The following CCDC126 variants were observed in gnomAD, a reference collection of about 807,000 sequenced individuals.
CCDC126 encodes coiled-coil domain-containing protein 126.
CCDC126 carries 5 observed loss-of-function variants against 11.7 expected under a neutral mutation model. That is an observed-to-expected ratio of 0.43 (90% CI 0.22 to 0.90). CCDC126 has a LOEUF of 0.90. Ranked by LOEUF, CCDC126 falls within the 40% of genes least tolerant of loss-of-function variation. CCDC126 has a pLI of 0.27. For missense variants in CCDC126, 150 were observed against 163.1 expected, an observed-to-expected ratio of 0.92 and a Z score of 0.44; for synonymous variants, 60 against 61.9, an observed-to-expected ratio of 0.97 and a Z score of 0.14.
At chr7:23,612,216 G>T (rs1477327716) in intron 3 of CCDC126, among the ~76,000 whole-genome samples, 2 of 151,736 alleles carry the variant, frequency 1.3e-5, no homozygotes, top group Admixed American at 1.3e-4. Context: ...TAGTACTTTG[G>T]GGGGCCAAGG....
At chr7:23,606,262 G>A (rs994037291) in intron 2 of CCDC126, among the ~76,000 whole-genome samples, 2 of 152,052 alleles carry the variant, frequency 1.3e-5, no homozygotes, top group African/African-American at 2.4e-5. Context: ...GTTTCATCAT[G>A]TTAGCCAGGA....
At chr7:23,627,331 A>G (rs1231462769) in intron 3 of CCDC126, among the ~76,000 whole-genome samples, 2 of 151,896 alleles carry the variant, frequency 1.3e-5, no homozygotes, top group African/African-American at 2.4e-5. Flanking sequence ...CTTGGGCAAC[A>G]TAGTGAGACC....
intron 3 of CCDC126, among the ~76,000 whole-genome samples, chr7:23,613,368 C>T (rs1438270259): frequency 6.6e-6 from 1 of 151,962 alleles, no homozygotes; most frequent in African/African-American, 2.4e-5. Context: ...GTTATGATTC[C>T]TGTAATGAAA....
chr7:23,622,064 A>G (rs181243729), intron 3 of CCDC126, among the ~76,000 whole-genome samples: 4 of 152,240 alleles, frequency 2.6e-5, no homozygotes, highest in African/African-American at 4.8e-5. Context: ...TGTCTCTGCC[A>G]GGCTTTGGTA....
intron 3 of CCDC126, among the ~76,000 whole-genome samples, chr7:23,628,371 A>G (rs953131301): frequency 1.3e-5 from 2 of 152,214 alleles, no homozygotes; most frequent in Non-Finnish European, 2.9e-5. Context: ...CAACCTAGAT[A>G]CTGCCAACAG....
At chr7:23,602,350 G>A (rs936892672) in intron 2 of CCDC126, 1 of 152,088 alleles carries the variant, frequency 6.6e-6, no homozygotes, top group Non-Finnish European at 1.5e-5. Context: ...ACCTTATTTC[G>A]TATCTGATCT....
intron 3 of CCDC126, among the ~76,000 whole-genome samples, chr7:23,640,463 C>T (rs1184500580): frequency 6.6e-6 from 1 of 152,014 alleles, no homozygotes; most frequent in Non-Finnish European, 1.5e-5. Context: ...CGCCATTGCA[C>T]TCCAGCCTGG....
rs530565344 is a variant in CCDC126, at chr7:23,601,860, T to A, written c.-146+3809T>A. ...CACCATGCCCGGCTAATTTTTATTT[T>A]TTTTTTGTAGTGACTGCGTCTTGCA... On this transcript the variant is annotated intron_variant, in intron 2 of 3. Transcript: ENST00000307471. 2.6e-5 allele frequency: 4 copies of A among 152,380 alleles called. No individual in the cohort carries two copies. The East Asian group carries it at 5.8e-4, about 22-fold the overall frequency. The allele number at this position is 152,380 out of a possible 1,614,324, so 9.4% of individuals were successfully genotyped here. A position where few individuals can be genotyped will look rare whatever the true frequency, so the allele number is the denominator to read the frequency against.
At chr7:23,620,465 A>C (rs943455617) in intron 3 of CCDC126, among the ~76,000 whole-genome samples, 6 of 152,072 alleles carry the variant, frequency 3.9e-5, no homozygotes, top group African/African-American at 1.4e-4. Context: ...TTCTTTGTGG[A>C]TTCTGGATAT....
intron 2 of CCDC126, among the ~76,000 whole-genome samples, chr7:23,608,088 C>G (rs1782650855): frequency 6.6e-6 from 1 of 152,220 alleles, no homozygotes; most frequent in Non-Finnish European, 1.5e-5. Flanking sequence ...AATTGAGCTT[C>G]ATACCCATTC....
intron 2 of CCDC126, among the ~76,000 whole-genome samples, chr7:23,608,721 T>A (rs1484235237): frequency 2.0e-5 from 3 of 152,170 alleles, no homozygotes. Context: ...TTCTAATGGG[T>A]TCTCCTTGCC....
intron 3 of CCDC126, among the ~76,000 whole-genome samples, chr7:23,618,223 T>C (rs1211915264): frequency 6.6e-6 from 1 of 152,218 alleles, no homozygotes; most frequent in East Asian, 1.9e-4. Flanking sequence ...TCTCATTATG[T>C]AGGCATGATT....
intron 3 of CCDC126, among the ~76,000 whole-genome samples, chr7:23,630,193 G>A (rs11771510): frequency 0.3 from 45,859 of 152,106 alleles, 8,154 homozygotes; most frequent in African/African-American, 0.49. Context: ...ATAGTGGAAT[G>A]CACATTTTTC....
intron 3 of CCDC126, among the ~76,000 whole-genome samples, chr7:23,642,635 C>T (rs1264061560): frequency 6.6e-6 from 1 of 151,682 alleles, no homozygotes; most frequent in African/African-American, 2.4e-5. Context: ...TGGTGGTGGG[C>T]GCCTGTAATC....
chr7:23,640,412 A>G (rs1446885137), intron 3 of CCDC126, among the ~76,000 whole-genome samples: 6 of 148,202 alleles, frequency 4.0e-5, no homozygotes, highest in Admixed American at 2.7e-4. Flanking sequence ...CAGGCGAATC[A>G]CTTGTACCTG....
chr7:23,612,639 C>G (rs1782736614), intron 3 of CCDC126, among the ~76,000 whole-genome samples: 1 of 152,116 alleles, frequency 6.6e-6, no homozygotes, highest in South Asian at 2.1e-4. Context: ...CACCACTGTA[C>G]TCCAGCCTAG....
intron 2 of CCDC126, among the ~76,000 whole-genome samples, chr7:23,600,469 G>T (rs1031319740): frequency 6.6e-6 from 1 of 151,470 alleles, no homozygotes; most frequent in African/African-American, 2.4e-5. Context: ...ACATTCCGGG[G>T]TCAAGTCTGT....
intron 3 of CCDC126, among the ~76,000 whole-genome samples, chr7:23,641,977 CTAGCTTTTTAGTT>C (rs1172074735): frequency 6.6e-6 from 1 of 152,156 alleles, no homozygotes; most frequent in Non-Finnish European, 1.5e-5. Flanking sequence ...TCTTTCTTAG[CTAGCTTTTTAGTT>C]TACCAGCTTA....
At chr7:23,598,904 C>T (rs1782480597) in intron 2 of CCDC126, among the ~76,000 whole-genome samples, 1 of 152,164 alleles carries the variant, frequency 6.6e-6, no homozygotes, top group South Asian at 2.1e-4. Flanking sequence ...GTGAATTGGT[C>T]TGATTCCAAG....
Sources: gnomAD v4.1 joint callset for allele counts (sites outside exome capture counted in the v4.1 genomes callset) on GRCh38, gnomAD v4.1.1 for gene constraint, MANE v1.5 for transcripts, NCBI Gene and HGNC (gene_info 2026-07-23, HGNC 2026-07-21) for gene names.